Variants in EBF1 observed in about 807,000 individuals in gnomAD.
EBF1 encodes the protein transcription factor COE1.
Under a neutral mutation model 68.4 loss-of-function variants are expected in EBF1, and 10 were observed. That is an observed-to-expected ratio of 0.15 (90% CI 0.09 to 0.25). The LOEUF (loss-of-function observed/expected upper bound fraction) is 0.25. EBF1 is among the 10% of genes least tolerant of loss of function. The probability of loss-of-function intolerance (pLI) is 1.00; values close to 1 mark genes in which losing one functional copy is unlikely to be tolerated. For missense variants in EBF1, 509 were observed against 794.4 expected, an observed-to-expected ratio of 0.64 and a Z score of 4.32; for synonymous variants, 298 against 299.8, an observed-to-expected ratio of 0.99 and a Z score of 0.06.
At chr5:159,073,875 G>T (rs1437236982) in intron 5 of EBF1, 1 of 157,450 alleles carries the variant, frequency 6.4e-6, no homozygotes, top group African/African-American at 2.4e-5. Flanking sequence ...CAATAATGAG[G>T]TATGAGTGAT....
intron 6 of EBF1, among the ~76,000 whole-genome samples, chr5:159,070,559 C>A (rs2127933644): frequency 6.6e-6 from 1 of 152,282 alleles, no homozygotes; most frequent in South Asian, 2.1e-4. Flanking sequence ...ACCAGAAAGT[C>A]TCTTCTCTCT....
chr5:159,096,681 C>T (rs1782672744), intron 2 of EBF1: 3 of 604,222 alleles, frequency 5.0e-6, no homozygotes, highest in East Asian at 2.8e-5. Flanking sequence ...CAGAGGCAGG[C>T]GGTGCGTAAT....
intron 4 of EBF1, among the ~76,000 whole-genome samples, chr5:159,092,348 T>C (rs1318720398): frequency 1.3e-5 from 2 of 152,308 alleles, no homozygotes; most frequent in East Asian, 3.9e-4. Flanking sequence ...AGTTGGTGGG[T>C]GAATTTTTAA....
At chr5:158,779,986 C>G (rs1034599032) in intron 9 of EBF1, among the ~76,000 whole-genome samples, 1 of 152,106 alleles carries the variant, frequency 6.6e-6, no homozygotes, top group Admixed American at 6.6e-5. Flanking sequence ...GAATCTGAAT[C>G]ATAATAGAGA....
At chr5:158,712,924 T>C in intron 13 of EBF1, 46 bp downstream of exon 13, 1 of 1,395,772 alleles carries the variant, frequency 7.2e-7, no homozygotes, top group Non-Finnish European at 9.4e-7. Context: ...AATGAGGAGA[T>C]GGGGTGCTTA....
At chr5:158,775,627 G>A (rs966022309) in intron 10 of EBF1, among the ~76,000 whole-genome samples, 5 of 151,888 alleles carry the variant, frequency 3.3e-5, no homozygotes, top group South Asian at 2.1e-4. Context: ...CCAGAACACC[G>A]AGTTCAGTGG....
chr5:158,946,082 C>A (rs1268251044), intron 6 of EBF1, among the ~76,000 whole-genome samples: 2 of 152,182 alleles, frequency 1.3e-5, no homozygotes, highest in Non-Finnish European at 2.9e-5. Flanking sequence ...AGCAATTTCT[C>A]TAACCTTTTA....
At chr5:158,749,371 T>C (rs557241911) in intron 10 of EBF1, among the ~76,000 whole-genome samples, 242 of 152,290 alleles carry the variant, frequency 1.6e-3, no homozygotes, top group African/African-American at 5.4e-3. Context: ...TTCCTGCTTT[T>C]GCTTTGGAAA....
chr5:158,897,470 G>A (rs1320379989), intron 6 of EBF1, among the ~76,000 whole-genome samples: 1 of 152,060 alleles, frequency 6.6e-6, no homozygotes, highest in Non-Finnish European at 1.5e-5. Flanking sequence ...TGGGTACTAG[G>A]CTTAATACCT....
intron 10 of EBF1, among the ~76,000 whole-genome samples, chr5:158,739,082 T>C (rs947429340): frequency 2.0e-5 from 3 of 152,184 alleles, no homozygotes; most frequent in Non-Finnish European, 4.4e-5. Context: ...TTCTTATTGG[T>C]CTAAGCCTAC....
At chr5:158,940,763 G>T (rs867785869) in intron 6 of EBF1, among the ~76,000 whole-genome samples, 1 of 6,360 alleles carries the variant, frequency 1.6e-4, no homozygotes, top group Non-Finnish European at 3.2e-4. Flanking sequence ...TCACCCCACC[G>T]CCCCCCCCCC....
At chr5:158,776,504 A>G (rs17713494) in intron 10 of EBF1, among the ~76,000 whole-genome samples, 11,995 of 152,212 alleles carry the variant, frequency 0.079, 529 homozygotes, top group South Asian at 0.11. Flanking sequence ...CTTTGTGTGA[A>G]AGCAACTTCC....
intron 6 of EBF1, among the ~76,000 whole-genome samples, chr5:159,037,648 G>T (rs1236068791): frequency 2.4e-5 from 3 of 123,744 alleles, no homozygotes; most frequent in Non-Finnish European, 5.0e-5. Flanking sequence ...ACACTCTGGG[G>T]ACTGTGGTGG....
chr5:158,763,708 G>C (rs1360141100), intron 10 of EBF1, among the ~76,000 whole-genome samples: 5 of 152,106 alleles, frequency 3.3e-5, no homozygotes, highest in African/African-American at 4.8e-5. Flanking sequence ...CCATGGTGAT[G>C]TTTGTTGATT....
At chr5:158,785,805 T>G (rs1777312274) in intron 9 of EBF1, among the ~76,000 whole-genome samples, 1 of 152,206 alleles carries the variant, frequency 6.6e-6, no homozygotes, top group African/African-American at 2.4e-5. Context: ...GTCATGTTAC[T>G]TAACACTGAA....
rs111395338 is a variant in EBF1, at chr5:158,707,874, G to T, written c.1744+105C>A. The T allele has an allele frequency of 3.7e-4, 495 of 1,326,172 alleles. 3 individuals carry two copies. The African/African-American group carries it at 6.6e-3, about 18-fold the overall frequency. The allele number at this position is 1,326,172 out of a possible 1,614,324, so 82.2% of individuals were successfully genotyped here. Reference sequence around the variant, plus strand: ...ATGAGGGCAGAGAGAATCAGGCAGGGCCCAAGGCTGATACCCTCAGCAATG... The same window carrying T: ...ATGAGGGCAGAGAGAATCAGGCAGGTCCCAAGGCTGATACCCTCAGCAATG... On this transcript the variant is annotated intron_variant, in intron 15 of 15. Coordinates refer to ENST00000313708, the MANE Select transcript of EBF1 (RefSeq NM_024007.5).
rs1785231411 is a variant in EBF1, at chr5:158,823,166, A to T, written c.778+10T>A. On this transcript the variant is annotated intron_variant, in intron 8 of 15. Transcript: ENST00000313708. ...GTAGCAATGCCAACCAATGAAAATG[A>T]TTCGCCTACCATGTTCCAGATAAGA... The T allele has an allele frequency of 6.2e-7, 1 of 1,613,942 alleles. No homozygotes were observed. Among genetic ancestry groups the T allele is most frequent in the African/African-American group, 1.3e-5 (1 of 75,048 alleles).
At chr5:159,021,978 T>C (rs1766773748) in intron 6 of EBF1, among the ~76,000 whole-genome samples, 1 of 147,916 alleles carries the variant, frequency 6.8e-6, no homozygotes, top group African/African-American at 2.5e-5. Flanking sequence ...CTGTGTTGGA[T>C]ACACTCGAGT....
chr5:158,797,127 C>T (rs920112690), intron 8 of EBF1, among the ~76,000 whole-genome samples: 8 of 152,126 alleles, frequency 5.3e-5, no homozygotes, highest in African/African-American at 1.7e-4. Flanking sequence ...TTTCCATGAC[C>T]TTTGCTTTGC....
Sources: gnomAD v4.1 joint callset for allele counts (sites outside exome capture counted in the v4.1 genomes callset) on GRCh38, gnomAD v4.1.1 for gene constraint, MANE v1.5 for transcripts, NCBI Gene and HGNC (gene_info 2026-07-23, HGNC 2026-07-21) for gene names.